The following ZBTB38 variants were observed in gnomAD, a reference collection of about 807,000 sequenced individuals.
ZBTB38 encodes zinc finger and BTB domain containing 38.
A neutral mutation model predicts 76.8 loss-of-function variants in ZBTB38; 20 were observed. That is an observed-to-expected ratio of 0.26 (90% CI 0.18 to 0.38). The LOEUF is 0.38. Among genes scored for constraint, ZBTB38 ranks in the 10% least tolerant of loss-of-function variants. The probability of loss-of-function intolerance (pLI) is 1.00; values close to 1 mark genes in which losing one functional copy is unlikely to be tolerated. For synonymous variants in ZBTB38, 504 were observed against 544.2 expected (o/e 0.93, Z 1.03); for missense variants, 1,082 against 1,482.3 (o/e 0.73, Z 4.43).
At chr3:141,379,411 C>T (rs774985036) in intron 2 of ZBTB38, among the ~76,000 whole-genome samples, 19 of 152,134 alleles carry the variant, frequency 1.2e-4, no homozygotes, top group Non-Finnish European at 2.4e-4. Context: ...GCATCCTGTC[C>T]GGATGTGACA....
At chr3:141,407,591 G>A (rs1955002009) in intron 5 of ZBTB38, among the ~76,000 whole-genome samples, 1 of 152,168 alleles carries the variant, frequency 6.6e-6, no homozygotes, top group African/African-American at 2.4e-5. Context: ...TATTACCACT[G>A]ATTTATTCTG....
intron 1 of ZBTB38, among the ~76,000 whole-genome samples, chr3:141,334,279 G>A (rs552717620): frequency 6.6e-6 from 1 of 151,716 alleles, no homozygotes; most frequent in Admixed American, 6.5e-5. Flanking sequence ...AGAACCTCAG[G>A]GAAATGCAGG....
intron 1 of ZBTB38, among the ~76,000 whole-genome samples, chr3:141,326,673 T>C (rs928379376): frequency 6.6e-6 from 1 of 152,210 alleles, no homozygotes; most frequent in Non-Finnish European, 1.5e-5. Context: ...TCTCTGATCA[T>C]GTTGTGTTTT....
intron 4 of ZBTB38, among the ~76,000 whole-genome samples, chr3:141,397,445 G>A (rs999274417): frequency 2.6e-5 from 4 of 152,052 alleles, no homozygotes; most frequent in East Asian, 1.9e-4. Context: ...TATCATTTCC[G>A]TGTTCATTGG....
intron 5 of ZBTB38, among the ~76,000 whole-genome samples, chr3:141,409,291 C>T (rs768770988): frequency 3.9e-5 from 6 of 152,118 alleles, no homozygotes; most frequent in Admixed American, 1.3e-4. Context: ...GGTGATCCAC[C>T]GGCCTCAGCC....
At chr3:141,411,583 C>T (rs896415672) in intron 5 of ZBTB38, among the ~76,000 whole-genome samples, 3 of 152,046 alleles carry the variant, frequency 2.0e-5, no homozygotes, top group Non-Finnish European at 4.4e-5. Flanking sequence ...TTTGAGGAAG[C>T]GGAGGCAAGA....
chr3:141,341,035 T>C (rs1033726815), intron 1 of ZBTB38, among the ~76,000 whole-genome samples: 5 of 149,556 alleles, frequency 3.3e-5, no homozygotes, highest in Admixed American at 2.0e-4. Context: ...GACAAGTGGT[T>C]AATAAGCGCA....
intron 1 of ZBTB38, among the ~76,000 whole-genome samples, chr3:141,333,856 C>A (rs116072908): frequency 0.019 from 2,923 of 152,296 alleles, 55 homozygotes; most frequent in South Asian, 0.086. Context: ...GGGCTGCAGT[C>A]TAGTTTCTCC....
intron 1 of ZBTB38, among the ~76,000 whole-genome samples, chr3:141,337,250 A>G (rs1409224643): frequency 6.6e-6 from 1 of 152,204 alleles, no homozygotes; most frequent in Non-Finnish European, 1.5e-5. Context: ...TTACTCCACA[A>G]TACCTGTTGA....
rs912401708 is a variant in ZBTB38 at position 141,446,978 on chromosome 3, A to G, written c.*1002A>G. 7 of 152,692 alleles carry G rather than the reference A, an allele frequency of 4.6e-5. No individual in the cohort carries two copies. The highest frequency in any genetic ancestry group is 1.7e-4 in the African/African-American group (7 of 41,458). 9.5% of individuals were successfully genotyped at this position (152,692 alleles called of 1,614,324 possible). A position where few individuals can be genotyped will look rare whatever the true frequency, so the allele number is the denominator to read the frequency against. Reference sequence around the variant, plus strand: ...ATGGATGTGGGGGTCTATTCCAGACAGACTTAAGGGCTCAAGTGGAACCTG... The same window carrying G: ...ATGGATGTGGGGGTCTATTCCAGACGGACTTAAGGGCTCAAGTGGAACCTG... On this transcript the variant is annotated 3_prime_UTR_variant, in exon 6 of 6. Transcript: ENST00000321464.
intron 5 of ZBTB38, among the ~76,000 whole-genome samples, chr3:141,421,017 G>GAA (rs551301024): frequency 1.1e-4 from 15 of 131,452 alleles, no homozygotes; most frequent in African/African-American, 3.2e-4. Context: ...AGAAGTTCAG[G>GAA]AAAAAAAAAA....
chr3:141,353,590 G>A (rs1442830141), intron 1 of ZBTB38, among the ~76,000 whole-genome samples: 2 of 152,128 alleles, frequency 1.3e-5, no homozygotes, highest in African/African-American at 4.8e-5. Context: ...GAAGGAAAGA[G>A]AGAACAATGG....
At chr3:141,369,032 C>A (rs1944155547) in intron 1 of ZBTB38, among the ~76,000 whole-genome samples, 1 of 151,300 alleles carries the variant, frequency 6.6e-6, no homozygotes, top group Non-Finnish European at 1.5e-5. Context: ...AGACGGAAAC[C>A]CTGGGGAGAA....
chr3:141,327,483 T>A, intron 1 of ZBTB38, among the ~76,000 whole-genome samples: 1 of 151,972 alleles, frequency 6.6e-6, no homozygotes, highest in East Asian at 1.9e-4. Flanking sequence ...TTGAAGAAAA[T>A]TCTATAAATA....
chr3:141,340,636 G>A (rs1401624208), intron 1 of ZBTB38, among the ~76,000 whole-genome samples: 1 of 152,060 alleles, frequency 6.6e-6, no homozygotes, highest in Non-Finnish European at 1.5e-5. Context: ...GGTGGCTCAC[G>A]CCTGTAATCC....
At chr3:141,436,591 A>C (rs998792552) in intron 5 of ZBTB38, among the ~76,000 whole-genome samples, 1 of 152,094 alleles carries the variant, frequency 6.6e-6, no homozygotes, top group Non-Finnish European at 1.5e-5. Context: ...TCCGCCTCCC[A>C]GGTTCAAGCG....
chr3:141,341,611 G>A (rs1943201080), intron 1 of ZBTB38, among the ~76,000 whole-genome samples: 1 of 152,182 alleles, frequency 6.6e-6, no homozygotes, highest in African/African-American at 2.4e-5. Flanking sequence ...AGCAAAGGAA[G>A]GTCTGTGAAG....
At chr3:141,410,325 G>T (rs1232397920) in intron 5 of ZBTB38, among the ~76,000 whole-genome samples, 1 of 152,208 alleles carries the variant, frequency 6.6e-6, no homozygotes, top group Non-Finnish European at 1.5e-5. Context: ...GAAGGATTGG[G>T]ACAGGCTGGT....
At chr3:141,394,906 G>A (rs74809925) in intron 4 of ZBTB38, among the ~76,000 whole-genome samples, 6,967 of 152,184 alleles carry the variant, frequency 0.046, 542 homozygotes, top group African/African-American at 0.16. Context: ...AAGGTCTCTC[G>A]GAGAGTTAAG....
Sources: gnomAD v4.1 joint callset for allele counts (sites outside exome capture counted in the v4.1 genomes callset) on GRCh38, gnomAD v4.1.1 for gene constraint, MANE v1.5 for transcripts, NCBI Gene and HGNC (gene_info 2026-07-23, HGNC 2026-07-21) for gene names.